Variants in ATAD2 observed in about 807,000 individuals in gnomAD.
ATAD2 encodes ATPase family AAA domain containing 2.
Under a neutral mutation model 168.9 loss-of-function variants are expected in ATAD2, and 62 were observed. That is an observed-to-expected ratio of 0.37 (90% confidence interval 0.30 to 0.45). ATAD2 has a LOEUF of 0.45. Ranked by LOEUF, ATAD2 falls within the 20% of genes least tolerant of loss-of-function variation. ATAD2 has a pLI of 1.00. For missense variants in ATAD2, 1,419 were observed against 1,667.8 expected (o/e 0.85, Z 2.60); for synonymous variants, 613 against 571.6 (o/e 1.07, Z -1.03).
chr8:123,378,605 G>C (rs918587258), intron 2 of ATAD2, among the ~76,000 whole-genome samples: 1 of 147,400 alleles, frequency 6.8e-6, no homozygotes, highest in African/African-American at 2.5e-5. Context: ...GGTGAGCTGA[G>C]GCAGGAGGAT....
intron 1 of ATAD2, among the ~76,000 whole-genome samples, chr8:123,390,340 C>T (rs564740178): frequency 5.3e-5 from 8 of 151,964 alleles, no homozygotes; most frequent in Non-Finnish European, 1.0e-4. Flanking sequence ...AACTATAATC[C>T]ATCCGAAACA....
chr8:123,322,146 T>C (rs1416394537), intron 27 of ATAD2, among the ~76,000 whole-genome samples: 1 of 151,920 alleles, frequency 6.6e-6, no homozygotes, highest in Non-Finnish European at 1.5e-5. Flanking sequence ...CACCACCACA[T>C]CTGGCTAGTT....
chr8:123,345,922 A>C (rs926499040), intron 18 of ATAD2, among the ~76,000 whole-genome samples, 164 bp downstream of exon 18: 1 of 152,234 alleles, frequency 6.6e-6, no homozygotes, highest in African/African-American at 2.4e-5. Flanking sequence ...TGTGGGATTT[A>C]AAGTCATTCT....
intron 1 of ATAD2, chr8:123,401,752 G>T: frequency 1.3e-6 from 1 of 746,396 alleles, no homozygotes; most frequent in East Asian, 2.5e-5. Context: ...CCACCTCGGA[G>T]GCCCCCAGCG....
At position 123,347,137 on chromosome 8, in the gene ATAD2, C is replaced by T; in HGVS notation, c.2167G>A (p.Val723Ile). 1 of 1,614,068 alleles carries T rather than the reference C, an allele frequency of 6.2e-7. No individual in the cohort carries two copies. The highest frequency in any genetic ancestry group is 8.5e-7 in the Non-Finnish European group (1 of 1,179,952). The change falls in exon 16 of 28, where the codon GTA becomes ATA. Residue 723 changes from valine to isoleucine, a missense_variant. Physicochemically the swap from Val to Ile is conservative, Grantham distance 29. Around this residue, in one of 5 missense-constraint regions of ATAD2, gnomAD observed 545 missense variants for 724.9 expected, o/e 0.75. Transcript: ENST00000287394. ...VDKILEALQR[V>I]FPHAEFRTNK... ...GTTCTGAATTCTGCATGTGGAAATA[C>T]TCTCTGCAGGGCTTCTAAAATCTTG... is the stretch of plus-strand genomic sequence containing the variant.
At chr8:123,329,734 G>A (rs1020772742) in intron 24 of ATAD2, among the ~76,000 whole-genome samples, 8 of 112,120 alleles carry the variant, frequency 7.1e-5, no homozygotes, top group Non-Finnish European at 1.0e-4. Context: ...CTTGCGTGAC[G>A]CAACTCCGTC....
In ATAD2 at chr8:123,396,193, T is replaced by C; in HGVS notation, c.165A>G (p.Lys55=). The C allele has an allele frequency of 6.3e-7, 1 of 1,576,886 alleles. No homozygotes were observed. The highest frequency in any genetic ancestry group is 8.6e-7 in the Non-Finnish European group (1 of 1,166,956). The part of the protein sequence containing the change: ...AQKKPAATTA[K]AGDGSSVKEV... ...GCCTCAGGCCCGTACTCACGCCCGC[T>C]TTGGCTGTGGTCGCCGCGGGTTTCT... Residue 55 remains lysine, a synonymous_variant, in exon 1 of 28, where the codon AAA becomes AAG. Coordinates refer to ENST00000287394, the MANE Select transcript of ATAD2 (RefSeq NM_014109.4).
At chr8:123,381,008 ATTTAT>A (rs1018723940) in intron 1 of ATAD2, 16 of 201,544 alleles carry the variant, frequency 7.9e-5, no homozygotes, top group Middle Eastern at 2.0e-3. Context: ...GTAGGTACTC[ATTTAT>A]TTTAAGGCTA....
chr8:123,393,707 G>A (rs1270525104), intron 1 of ATAD2, among the ~76,000 whole-genome samples: 2 of 151,990 alleles, frequency 1.3e-5, no homozygotes, highest in Admixed American at 6.6e-5. Context: ...ACCTGAGACC[G>A]GGAGTTTGAG....
Position 123,348,184 on chromosome 8 carries a change from AAC to A in ATAD2, c.1894_1895del (p.Val632TrpfsTer8). 6.3e-7 allele frequency: 1 copy of A among 1,580,726 alleles called. No homozygotes were observed. Among genetic ancestry groups the A allele is most frequent in the Non-Finnish European group, 8.6e-7 (1 of 1,164,616 alleles). On this transcript the variant is annotated frameshift_variant and splice_region_variant, in exon 15 of 28. Coordinates refer to ENST00000287394, the MANE Select transcript of ATAD2 (RefSeq NM_014109.4). LOFTEE classifies it high-confidence loss of function. ...TTAACTGCTTAAAACAATGTTTACCAACACAGTTTTCTGCTAGCTCTTCTAAA... is the reference window on the plus strand; with the variant it reads ...TTAACTGCTTAAAACAATGTTTACCAACAGTTTTCTGCTAGCTCTTCTAAA... ...TFLEELAENC[V>X]GYCGADIKSI...
At chr8:123,329,066 G>A (rs1303221187) in intron 24 of ATAD2, among the ~76,000 whole-genome samples, 1 of 152,070 alleles carries the variant, frequency 6.6e-6, no homozygotes, top group Non-Finnish European at 1.5e-5. Flanking sequence ...CTCCCAAAGT[G>A]CTGGGATTAC....
upstream of ATAD2, among the ~76,000 whole-genome samples, chr8:123,398,226 CT>C (rs1188897965): frequency 0.021 from 2,146 of 101,776 alleles, 12 homozygotes; most frequent in Non-Finnish European, 0.026. Context: ...GGTTCTTGTT[CT>C]TTTTTTTTTT....
At chr8:123,364,091 G>A (rs948848336) in intron 8 of ATAD2, among the ~76,000 whole-genome samples, 9 of 152,114 alleles carry the variant, frequency 5.9e-5, no homozygotes, top group Admixed American at 2.0e-4. Flanking sequence ...TCGAAGTACA[G>A]TTATAATAGC....
chr8:123,380,726 C>T (rs1221132611), intron 1 of ATAD2, 49 bp from the exon 2 acceptor site: 2 of 1,561,606 alleles, frequency 1.3e-6, no homozygotes, highest in African/African-American at 2.8e-5. Context: ...TACAAAACTC[C>T]AATTTAAATT....
intron 10 of ATAD2, 104 bp downstream of exon 10, chr8:123,359,473 A>T: frequency 7.8e-7 from 1 of 1,275,578 alleles, no homozygotes; most frequent in Non-Finnish European, 1.1e-6. Context: ...TGTAAAGGTT[A>T]GAGTTTTGAC....
intron 1 of ATAD2, chr8:123,380,886 T>C (rs1161349318): frequency 7.5e-6 from 4 of 534,506 alleles, no homozygotes; most frequent in Non-Finnish European, 6.6e-6. Flanking sequence ...GCAGCTAATA[T>C]AAGATTTACT....
chr8:123,339,467 C>A, intron 19 of ATAD2, 21 bp from the exon 20 acceptor site: 3 of 1,542,676 alleles, frequency 1.9e-6, no homozygotes, highest in Middle Eastern at 2.3e-4. Flanking sequence ...AAAATAAATG[C>A]AATATATATC....
intron 13 of ATAD2, 45 bp downstream of exon 13, chr8:123,356,344 C>A: frequency 6.7e-7 from 1 of 1,494,676 alleles, no homozygotes. Flanking sequence ...CAATACCACT[C>A]AGGAAATAGG....
intron 13 of ATAD2, among the ~76,000 whole-genome samples, chr8:123,355,379 C>T (rs1370029576): frequency 6.6e-6 from 1 of 152,124 alleles, no homozygotes; most frequent in African/African-American, 2.4e-5. Flanking sequence ...ATCAATTACA[C>T]ATCATTCATG....
Sources: allele counts gnomAD v4.1 joint callset (sites outside exome capture counted in the v4.1 genomes callset), GRCh38; gene constraint gnomAD v4.1.1; regional missense constraint gnomAD v4.1.1; transcripts MANE v1.5; gene names NCBI Gene and HGNC (gene_info 2026-07-23, HGNC 2026-07-21).